CXCL13: variants seen among roughly 807,000 people sequenced by gnomAD.
CXCL13 encodes the protein C-X-C motif chemokine ligand 13.
A neutral mutation model predicts 12.2 loss-of-function variants in CXCL13; 7 were observed. The ratio of observed to expected loss-of-function variants is 0.57; its 90% CI spans 0.33 to 1.07. The LOEUF is 1.07. Among genes scored for constraint, CXCL13 ranks in the 50% least tolerant of loss-of-function variants. The pLI is 0.04. For missense variants in CXCL13, 113 were observed against 127.4 expected (o/e 0.89, Z 0.55); for synonymous variants, 47 against 42.4 (o/e 1.11, Z -0.42).
At chr4:77,577,398 T>A (rs1164819970) in intron 1 of CXCL13, among the ~76,000 whole-genome samples, 2 of 151,202 alleles carry the variant, frequency 1.3e-5, no homozygotes, top group African/African-American at 4.9e-5. Context: ...AATTCTAAGC[T>A]TTGAGTTGAA....
chr4:77,604,533 C>T (rs1460978362), upstream of CXCL13, among the ~76,000 whole-genome samples: 2 of 151,246 alleles, frequency 1.3e-5, no homozygotes, highest in Non-Finnish European at 2.9e-5. Flanking sequence ...AAAATTCAAC[C>T]CCTTATCACA....
chr4:77,542,592 T>A (rs899287530), intron 1 of CXCL13, among the ~76,000 whole-genome samples: 13 of 152,028 alleles, frequency 8.6e-5, no homozygotes, highest in Admixed American at 2.0e-4. Flanking sequence ...CTACAAGAGA[T>A]TTGGGTGGGG....
chr4:77,547,947 G>A (rs904695042), intron 1 of CXCL13, among the ~76,000 whole-genome samples: 3 of 152,014 alleles, frequency 2.0e-5, no homozygotes, highest in African/African-American at 7.2e-5. Flanking sequence ...AAATTTCTCA[G>A]CATTTGCTTG....
At chr4:77,559,223 C>T (rs773812711) in intron 1 of CXCL13, among the ~76,000 whole-genome samples, 5 of 152,126 alleles carry the variant, frequency 3.3e-5, no homozygotes, top group Admixed American at 6.6e-5. Flanking sequence ...CAGGAGGTTC[C>T]CTTGGCTCCA....
At chr4:77,557,229 G>A (rs1246503361) in intron 1 of CXCL13, among the ~76,000 whole-genome samples, 3 of 152,116 alleles carry the variant, frequency 2.0e-5, no homozygotes, top group East Asian at 3.9e-4. Flanking sequence ...GGGCCACAAC[G>A]ATGTTTCAGG....
intron 1 of CXCL13, among the ~76,000 whole-genome samples, chr4:77,567,192 C>A (rs953369111): frequency 6.6e-6 from 1 of 152,144 alleles, no homozygotes; most frequent in Admixed American, 6.5e-5. Flanking sequence ...ACCCCCTGCC[C>A]ACAAAAAAAT....
intron 1 of CXCL13, among the ~76,000 whole-genome samples, chr4:77,513,369 A>C (rs1281533153): frequency 6.6e-6 from 1 of 152,004 alleles, no homozygotes; most frequent in East Asian, 1.9e-4. Context: ...TGTCTTCCAC[A>C]ATGGTTGAAC....
chr4:77,559,295 A>G (rs1344078059), intron 1 of CXCL13, among the ~76,000 whole-genome samples: 1 of 152,192 alleles, frequency 6.6e-6, no homozygotes, highest in Non-Finnish European at 1.5e-5. Flanking sequence ...GGGCAGAGGA[A>G]GAAATTGAGA....
chr4:77,581,683 C>G (rs1160675380), intron 1 of CXCL13, among the ~76,000 whole-genome samples: 1 of 152,142 alleles, frequency 6.6e-6, no homozygotes, highest in African/African-American at 2.4e-5. Context: ...CTCTTTCCTC[C>G]TATCTGAGGA....
At chr4:77,589,922 C>CT (rs1186551513) in intron 1 of CXCL13, among the ~76,000 whole-genome samples, 2 of 152,142 alleles carry the variant, frequency 1.3e-5, no homozygotes, top group Non-Finnish European at 2.9e-5. Context: ...AGTAATTCCA[C>CT]TTTTCTCTCC....
At chr4:77,609,706 G>A (rs1308058111) in intron 2 of CXCL13, among the ~76,000 whole-genome samples, 2 of 152,178 alleles carry the variant, frequency 1.3e-5, no homozygotes, top group East Asian at 3.9e-4. Flanking sequence ...GTTTTCTGCT[G>A]TCTGGCAGAC....
At chr4:77,608,698 T>G (rs963325667) in intron 2 of CXCL13, among the ~76,000 whole-genome samples, 1 of 152,216 alleles carries the variant, frequency 6.6e-6, no homozygotes, top group Non-Finnish European at 1.5e-5. Flanking sequence ...ATATGGGATA[T>G]CAAAAGTGCA....
At chr4:77,543,737 AT>A (rs1560520821) in intron 1 of CXCL13, among the ~76,000 whole-genome samples, 2 of 151,880 alleles carry the variant, frequency 1.3e-5, no homozygotes, top group South Asian at 2.1e-4. Context: ...TATGATTTCC[AT>A]TTTTTATTTT....
intron 1 of CXCL13, among the ~76,000 whole-genome samples, chr4:77,530,482 T>C (rs13136652): frequency 9.2e-5 from 14 of 152,156 alleles, no homozygotes; most frequent in Non-Finnish European, 1.8e-4. Context: ...AGAGATTCAA[T>C]TTCTTCCTGG....
At chr4:77,575,318 C>T (rs903930018) in intron 1 of CXCL13, among the ~76,000 whole-genome samples, 1 of 151,812 alleles carries the variant, frequency 6.6e-6, no homozygotes, top group African/African-American at 2.4e-5. Flanking sequence ...TATTATAATA[C>T]TTTAAGTTCT....
chr4:77,515,324 T>A (rs1324319188), intron 1 of CXCL13, among the ~76,000 whole-genome samples: 1 of 152,032 alleles, frequency 6.6e-6, no homozygotes, highest in Non-Finnish European at 1.5e-5. Context: ...TTTAAAGTAG[T>A]TTTTTCCAAT....
intron 1 of CXCL13, among the ~76,000 whole-genome samples, chr4:77,587,116 C>G (rs1425523458): frequency 6.6e-6 from 1 of 152,126 alleles, no homozygotes; most frequent in Non-Finnish European, 1.5e-5. Context: ...ATAATGCAGC[C>G]CAGACATCCC....
chr4:77,515,090 C>T (rs1724381489), intron 1 of CXCL13, among the ~76,000 whole-genome samples: 1 of 152,176 alleles, frequency 6.6e-6, no homozygotes, highest in Non-Finnish European at 1.5e-5. Context: ...TTGTTTTTGT[C>T]AGGTTTGTCA....
chr4:77,527,404 G>A (rs141808454), intron 1 of CXCL13, among the ~76,000 whole-genome samples: 6 of 152,296 alleles, frequency 3.9e-5, no homozygotes, highest in Non-Finnish European at 7.3e-5. Flanking sequence ...GGCTGAGGCG[G>A]GTGGATTAAT....
Sources: allele counts gnomAD v4.1 joint callset (sites outside exome capture counted in the v4.1 genomes callset), GRCh38; gene constraint gnomAD v4.1.1; transcripts MANE v1.5; gene names NCBI Gene and HGNC (gene_info 2026-07-23, HGNC 2026-07-21).